Variants in PPARD observed in about 807,000 individuals in gnomAD.
The protein encoded by PPARD is peroxisome proliferator activated receptor delta, also known as peroxisome proliferator-activated receptor delta.
PPARD carries 6 observed loss-of-function variants against 39.5 expected under a neutral mutation model. The ratio of observed to expected loss-of-function variants is 0.15; its 90% CI spans 0.08 to 0.30. The LOEUF (loss-of-function observed/expected upper bound fraction) is 0.30, where lower values mean the gene tolerates loss of function less well. Ranked by LOEUF, PPARD falls within the 10% of genes least tolerant of loss-of-function variation. The pLI, the probability that PPARD is intolerant of heterozygous loss-of-function variation, is 1.00. For synonymous variants in PPARD, 210 were observed against 231.3 expected, an observed-to-expected ratio of 0.91 and a Z score of 0.83; for missense variants, 397 against 596.8, an observed-to-expected ratio of 0.67 and a Z score of 3.49.
intron 2 of PPARD, chr6:35,349,031 T>C (rs1237569781): frequency 7.3e-6 from 7 of 959,200 alleles, no homozygotes; most frequent in Non-Finnish European, 6.2e-6. Flanking sequence ...CCTTTCTTTT[T>C]TTTTTTTTTT....
chr6:35,413,031 A>G (rs1765526115), intron 3 of PPARD, among the ~76,000 whole-genome samples: 1 of 152,198 alleles, frequency 6.6e-6, no homozygotes, highest in South Asian at 2.1e-4. Context: ...GTTTGTGGCT[A>G]TGCCGCCTGC....
intron 2 of PPARD, among the ~76,000 whole-genome samples, chr6:35,375,854 T>C (rs1762785108): frequency 6.6e-6 from 1 of 152,230 alleles, no homozygotes; most frequent in African/African-American, 2.4e-5. Flanking sequence ...TACCTGGCCT[T>C]TATTTCTGTT....
intron 2 of PPARD, among the ~76,000 whole-genome samples, chr6:35,409,263 G>T (rs2150770432): frequency 6.6e-6 from 1 of 152,028 alleles, no homozygotes; most frequent in South Asian, 2.1e-4. Flanking sequence ...CCAATACCTT[G>T]GTAGGCCAAG....
rs540541380 is a variant in PPARD, at chr6:35,409,007, T to C, written c.-101-1980T>C. On this transcript the variant is annotated intron_variant, in intron 2 of 7. Coordinates refer to ENST00000360694, the MANE Select transcript of PPARD (RefSeq NM_006238.5). Reference sequence around the variant, plus strand: ...ATTTAGTTGTGTCTCTGTGGTCTGCTCCTGTCTGTGAGGCTTCCTCAGTCA... The same window carrying C: ...ATTTAGTTGTGTCTCTGTGGTCTGCCCCTGTCTGTGAGGCTTCCTCAGTCA... Among the ~76,000 whole-genome samples the C allele has an allele frequency of 1.2e-4, 18 of 152,252 alleles. No homozygotes were observed. In the East Asian group the frequency reaches 2.5e-3, roughly 21 times the overall value.
At position 35,424,289 on chromosome 6, in the gene PPARD, G is replaced by T. The variant is rs200917813; in HGVS notation, c.628-40G>T. 20 of 1,601,440 alleles carry T rather than the reference G, an allele frequency of 1.2e-5. No individual in the cohort carries two copies. Among genetic ancestry groups the T allele is most frequent in the Non-Finnish European group, 6.8e-6 (8 of 1,171,750 alleles). On this transcript the variant is annotated intron_variant, in intron 6 of 7. Coordinates refer to ENST00000360694, the MANE Select transcript of PPARD (RefSeq NM_006238.5). The surrounding 1 kb of genome is among the most constrained non-coding windows in gnomAD (Gnocchi z 7.1). ...GGGACATGGGGAGCACAGGGTGGGG[G>T]TCTCCCGAGGCCTGATCTCTAACGG...
intron 2 of PPARD, among the ~76,000 whole-genome samples, chr6:35,354,762 G>C (rs1178751594): frequency 2.0e-5 from 3 of 152,152 alleles, no homozygotes; most frequent in Admixed American, 2.0e-4. Flanking sequence ...ATGGTGTTCG[G>C]CAGGTTACAT....
chr6:35,405,374 C>A (rs1764972090), intron 2 of PPARD, among the ~76,000 whole-genome samples: 1 of 152,030 alleles, frequency 6.6e-6, no homozygotes, highest in Non-Finnish European at 1.5e-5. Context: ...TTGCTAGGGA[C>A]TACTTTTTGG....
intron 5 of PPARD, among the ~76,000 whole-genome samples, chr6:35,422,724 C>G (rs548598120): frequency 2.6e-5 from 4 of 152,212 alleles, no homozygotes; most frequent in Non-Finnish European, 4.4e-5. Context: ...TCTGGCAGGT[C>G]TGGGTTTGAC....
chr6:35,372,154 G>A (rs1182736867), intron 2 of PPARD, among the ~76,000 whole-genome samples: 1 of 152,210 alleles, frequency 6.6e-6, no homozygotes, highest in Non-Finnish European at 1.5e-5. Flanking sequence ...CTAGCACTGT[G>A]CCTGACACTC....
intron 2 of PPARD, among the ~76,000 whole-genome samples, chr6:35,374,308 T>TGGGGGGGG (rs750412240): frequency 1.6e-5 from 2 of 126,122 alleles, no homozygotes; most frequent in African/African-American, 4.5e-5. Flanking sequence ...TTCTCGGCGG[T>TGGGGGGGG]GGGGCGGGGG....
At chr6:35,355,900 G>A (rs192683998) in intron 2 of PPARD, among the ~76,000 whole-genome samples, 174 of 151,680 alleles carry the variant, frequency 1.1e-3, no homozygotes, top group Non-Finnish European at 2.0e-3. Flanking sequence ...CATGAGCCAC[G>A]ATGCCCGACC....
intron 5 of PPARD, 40 bp downstream of exon 5, chr6:35,421,998 A>T (rs1264149125): frequency 1.9e-6 from 3 of 1,565,722 alleles, no homozygotes; most frequent in East Asian, 2.3e-5. Flanking sequence ...TGCTGGCTCC[A>T]CACAGCCTGA....
At chr6:35,351,398 C>T (rs1230072391) in intron 2 of PPARD, among the ~76,000 whole-genome samples, 2 of 152,142 alleles carry the variant, frequency 1.3e-5, no homozygotes. Flanking sequence ...ATAGGCCGGG[C>T]GGGTGACATT....
intron 2 of PPARD, among the ~76,000 whole-genome samples, chr6:35,386,400 A>G (rs2150633789): frequency 6.7e-6 from 1 of 149,336 alleles, no homozygotes; most frequent in African/African-American, 2.5e-5. Context: ...CTGAGGTGGA[A>G]GGATTGCTTG....
chr6:35,355,286 C>G (rs1761506470), intron 2 of PPARD, among the ~76,000 whole-genome samples: 1 of 152,050 alleles, frequency 6.6e-6, no homozygotes, highest in African/African-American at 2.4e-5. Context: ...CCCATCTATA[C>G]TAAAAATACA....
intron 2 of PPARD, among the ~76,000 whole-genome samples, chr6:35,353,927 T>G (rs2150448714): frequency 6.6e-6 from 1 of 152,244 alleles, no homozygotes; most frequent in Middle Eastern, 3.4e-3. Flanking sequence ...TGGTTCAACT[T>G]TACAGTGATG....
At chr6:35,404,953 TTG>T (rs59359748) in intron 2 of PPARD, among the ~76,000 whole-genome samples, 16,295 of 142,034 alleles carry the variant, frequency 0.11, 1,138 homozygotes, top group African/African-American at 0.21. Context: ...ACTGCAGGCT[TTG>T]TGTGTGTGTG....
In PPARD at chr6:35,359,526, G is replaced by C. The variant is rs551456901; in HGVS notation, c.-102+12376G>C. ...CACCGCGTAGTTCTGGGTGGTTTCTGAGAGGTTCCCCTCCATGGCCTTCTT... is the reference window on the plus strand; with the variant it reads ...CACCGCGTAGTTCTGGGTGGTTTCTCAGAGGTTCCCCTCCATGGCCTTCTT... On this transcript the variant is annotated intron_variant, in intron 2 of 7. Transcript: ENST00000360694. 2.6e-5 allele frequency among the ~76,000 whole-genome samples: 4 copies of C among 152,258 alleles called. No homozygotes were observed. The South Asian group carries it at 8.3e-4, about 32-fold the overall frequency.
chr6:35,399,375 G>A (rs907540676), intron 2 of PPARD, among the ~76,000 whole-genome samples: 3 of 135,916 alleles, frequency 2.2e-5, no homozygotes, highest in Non-Finnish European at 4.6e-5. Flanking sequence ...ACTCCAGCCT[G>A]GACGACAAAG....
Sources: allele counts gnomAD v4.1 joint callset (sites outside exome capture counted in the v4.1 genomes callset), GRCh38; gene constraint gnomAD v4.1.1; non-coding constraint Gnocchi (gnomAD v3.1); transcripts MANE v1.5; gene names NCBI Gene and HGNC (gene_info 2026-07-23, HGNC 2026-07-21).